The following SCARA3 variants were observed in gnomAD, a reference collection of about 807,000 sequenced individuals.
SCARA3 encodes the protein cellular stress response gene protein.
A neutral mutation model predicts 47.0 loss-of-function variants in SCARA3; 39 were observed. The observed-to-expected ratio is 0.83, with a 90% CI of 0.64 to 1.08. SCARA3 has a LOEUF of 1.08. Ranked by LOEUF, SCARA3 falls within the 50% of genes least tolerant of loss-of-function variation. The pLI is 0.00. For synonymous variants in SCARA3, 356 were observed against 334.1 expected (o/e 1.07, Z -0.71); for missense variants, 724 against 792.3 (o/e 0.91, Z 1.04).
chr8:27,641,026 C>A (rs1023996817), intron 1 of SCARA3, among the ~76,000 whole-genome samples: 5 of 152,200 alleles, frequency 3.3e-5, no homozygotes, highest in Non-Finnish European at 5.9e-5. Flanking sequence ...GGTTTCATAA[C>A]ATCCCATAGT....
chr8:27,650,411 T>G (rs1280001399), intron 2 of SCARA3, among the ~76,000 whole-genome samples: 1 of 152,170 alleles, frequency 6.6e-6, no homozygotes, highest in African/African-American at 2.4e-5. Context: ...GTCTTCTAGC[T>G]GGCCTGGAAC....
the SCARA3 span, among the ~76,000 whole-genome samples, chr8:27,731,040 G>A: frequency 2.7e-5 from 4 of 150,726 alleles, no homozygotes; most frequent in East Asian, 4.0e-4. Context: ...GCAGGGAGGA[G>A]GCAGCAGCTA....
the SCARA3 span, among the ~76,000 whole-genome samples, chr8:27,707,087 C>T: frequency 5.9e-5 from 9 of 152,136 alleles, no homozygotes; most frequent in Non-Finnish European, 1.0e-4. Context: ...AGATTTAGGG[C>T]TGAAAAGGAG....
chr8:27,725,604 T>C, the SCARA3 span, among the ~76,000 whole-genome samples: 1 of 151,222 alleles, frequency 6.6e-6, no homozygotes, highest in Non-Finnish European at 1.5e-5. Context: ...GTGGTGTAAG[T>C]CAGAGTCAGG....
At chr8:27,678,114 A>T (rs1342172977), downstream of SCARA3, among the ~76,000 whole-genome samples, 1 of 152,234 alleles carries the variant, frequency 6.6e-6, no homozygotes, top group Non-Finnish European at 1.5e-5. Flanking sequence ...CAAATCAATG[A>T]CCTAAACTTT....
intron 5 of SCARA3, among the ~76,000 whole-genome samples, chr8:27,670,292 T>G (rs372131410): frequency 4.6e-5 from 7 of 152,328 alleles, no homozygotes; most frequent in African/African-American, 1.7e-4. Flanking sequence ...GTACCCAGTG[T>G]TTGCTTTCAC....
At position 27,658,467 on chromosome 8, in the gene SCARA3, A is replaced by G. The variant is rs749549816; in HGVS notation, c.326-29A>G. On this transcript the variant is annotated intron_variant, in intron 4 of 5. Transcript: ENST00000301904. ...AGCGTCGTACCCTGGCCCTTCAGCA[A>G]CTCAAACTGTTATCCCTTTCCCCTA... The G allele has an allele frequency of 9.7e-6, 15 of 1,549,058 alleles. No individual in the cohort carries two copies. The South Asian group carries it at 1.8e-4, about 18-fold the overall frequency.
rs1277901091 is a variant in SCARA3, at chr8:27,656,818, C to T, written c.263C>T (p.Ser88Phe). 5 of 1,613,278 alleles carry T rather than the reference C, an allele frequency of 3.1e-6. No individual in the cohort carries two copies. The African/African-American group carries it at 4.0e-5, about 13-fold the overall frequency. The change falls in exon 4 of 6, where the codon TCC becomes TTC. Residue 88 changes from serine to phenylalanine, a missense_variant. Coordinates refer to ENST00000301904, the MANE Select transcript of SCARA3 (RefSeq NM_016240.3). ...GTGGACTCTCTCTCCGAAGACATCT[C>T]CTTGACCCAGTCTATTTATGACAAG... ...RKVDSLSEDI[S>F]LTQSIYDKKL...
the SCARA3 span, among the ~76,000 whole-genome samples, chr8:27,705,536 G>T: frequency 1.3e-5 from 2 of 152,246 alleles, no homozygotes; most frequent in Non-Finnish European, 2.9e-5. Context: ...TTCAGATTCC[G>T]GCTGGGTGAC....
At chr8:27,692,903 T>A in the SCARA3 span, among the ~76,000 whole-genome samples, 1 of 152,040 alleles carries the variant, frequency 6.6e-6, no homozygotes, top group African/African-American at 2.4e-5. Flanking sequence ...GGCACGTGCA[T>A]CACTTGAGGC....
the SCARA3 span, among the ~76,000 whole-genome samples, chr8:27,693,449 T>C: frequency 6.6e-6 from 1 of 152,212 alleles, no homozygotes; most frequent in Non-Finnish European, 1.5e-5. Context: ...TGATCACATT[T>C]CTTAACTGAC....
chr8:27,637,438 C>T (rs914618203), intron 1 of SCARA3, among the ~76,000 whole-genome samples: 1 of 152,208 alleles, frequency 6.6e-6, no homozygotes, highest in Non-Finnish European at 1.5e-5. Flanking sequence ...AAGACACAGG[C>T]TGGTGCACCG....
rs772014864 is a variant in SCARA3, at chr8:27,658,744, G to A, written c.574G>A (p.Val192Met). Residue 192 changes from valine (V) to methionine (M), a missense_variant, in exon 5 of 6, where the codon GTG becomes ATG. Val to Met is a conservative substitution (Grantham distance 21). Coordinates refer to ENST00000301904, the MANE Select transcript of SCARA3 (RefSeq NM_016240.3). Reference protein sequence around the residue: ...NQSLGLFLAQVRGWQATTAGL... With the variant: ...NQSLGLFLAQMRGWQATTAGL... ...GTCTCTGGGGCTCTTCCTGGCCCAGGTGAGAGGCTGGCAGGCCACCACAGC... is the reference window on the plus strand; with the variant it reads ...GTCTCTGGGGCTCTTCCTGGCCCAGATGAGAGGCTGGCAGGCCACCACAGC... 1.9e-6 allele frequency: 3 copies of A among 1,614,136 alleles called. No homozygotes were observed. Among genetic ancestry groups the A allele is most frequent in the South Asian group, 2.2e-5 (2 of 91,078 alleles).
intron 5 of SCARA3, among the ~76,000 whole-genome samples, chr8:27,665,805 C>A (rs1029716171): frequency 6.6e-6 from 1 of 152,212 alleles, no homozygotes; most frequent in Non-Finnish European, 1.5e-5. Context: ...AAAGGGTGCT[C>A]TGCATAAGGG....
downstream of SCARA3, among the ~76,000 whole-genome samples, chr8:27,678,452 TACAA>T (rs1802310701): frequency 6.6e-6 from 1 of 152,162 alleles, no homozygotes; most frequent in African/African-American, 2.4e-5. Flanking sequence ...TCTTAAAGAA[TACAA>T]ACAACCACAG....
rs947013649 is a variant in SCARA3, at chr8:27,671,347, A to G, written c.1817A>G (p.Tyr606Cys). 3.5e-6 allele frequency: 5 copies of G among 1,420,584 alleles called. No homozygotes were observed. The highest frequency in any genetic ancestry group is 6.6e-5 in the Admixed American group (2 of 30,350). The allele number at this position is 1,420,584 out of a possible 1,614,324, so 88.0% of individuals were successfully genotyped here. Residue 606 changes from tyrosine to cysteine, a missense_variant, in exon 6 of 6, where the codon TAC becomes TGC. Transcript: ENST00000301904. ...PPGPPGSQSF[Y>C] ...GGTCCACCAGGAAGCCAGAGCTTCT[A>G]CTGAGGAGGGCTGTGGCAGAGCCAC...
intron 1 of SCARA3, among the ~76,000 whole-genome samples, chr8:27,636,427 C>T (rs1046649610): frequency 4.6e-5 from 7 of 152,166 alleles, no homozygotes; most frequent in Non-Finnish European, 7.4e-5. Context: ...CAGAGTGAGA[C>T]CCTGTCTCTA....
intron 5 of SCARA3, among the ~76,000 whole-genome samples, chr8:27,668,335 T>C (rs983879717): frequency 6.8e-6 from 1 of 146,396 alleles, no homozygotes; most frequent in African/African-American, 2.6e-5. Context: ...GGTCAGGAGA[T>C]CGAGACCATC....
chr8:27,634,118 TG>T lies in SCARA3; in HGVS notation c.-81del. Reference sequence around the variant, plus strand: ...GCGCCTAGGACGGCGATCCGCGCCCTGGAGGATCCGCCGGCCGCCCGGCTCC... The same window carrying T: ...GCGCCTAGGACGGCGATCCGCGCCCTGAGGATCCGCCGGCCGCCCGGCTCC... On this transcript the variant is annotated 5_prime_UTR_variant, in exon 1 of 6. Transcript: ENST00000301904. 1.5e-6 allele frequency: 2 copies of T among 1,349,914 alleles called. No homozygotes were observed. The highest frequency in any genetic ancestry group is 9.7e-7 in the Non-Finnish European group (1 of 1,032,936). The allele number at this position is 1,349,914 out of a possible 1,614,324, so 83.6% of individuals were successfully genotyped here.
Sources: gnomAD v4.1 joint callset for allele counts (sites outside exome capture counted in the v4.1 genomes callset) on GRCh38, gnomAD v4.1.1 for gene constraint, MANE v1.5 for transcripts, NCBI Gene and HGNC (gene_info 2026-07-23, HGNC 2026-07-21) for gene names.